GPR160: variants seen among roughly 807,000 people sequenced by gnomAD.
The protein encoded by GPR160 is probable G protein-coupled receptor 160.
A neutral mutation model predicts 2.6 loss-of-function variants in GPR160; 2 were observed. The observed-to-expected ratio is 0.77, with a 90% CI of 0.32 to 2.44. GPR160 has a LOEUF of 2.44. GPR160 is among the 30% of genes most tolerant of loss of function. The pLI, the probability that GPR160 is intolerant of heterozygous loss-of-function variation, is 0.11. For synonymous variants in GPR160, 130 were observed against 132.2 expected (o/e 0.98, Z 0.12); for missense variants, 351 against 383.6 (o/e 0.91, Z 0.71).
At chr3:170,049,278 T>C (rs1716857109) in intron 2 of GPR160, among the ~76,000 whole-genome samples, 1 of 152,238 alleles carries the variant, frequency 6.6e-6, no homozygotes, top group South Asian at 2.1e-4. Context: ...AGTTTATCTT[T>C]CATGGCTGCA....
At chr3:170,064,732 C>A (rs1297347644) in intron 2 of GPR160, among the ~76,000 whole-genome samples, 1 of 151,958 alleles carries the variant, frequency 6.6e-6, no homozygotes, top group Non-Finnish European at 1.5e-5. Flanking sequence ...GTTGGCCAGG[C>A]TGGTCTCAAA....
rs1419635274 is a variant in GPR160, at chr3:170,084,976, T to C, written c.1004T>C (p.Ile335Thr). Residue 335 changes from isoleucine to threonine, a missense_variant, in exon 4 of 4, where the codon ATA becomes ACA. By Grantham distance (89) the Ile-to-Thr change is moderately conservative. Transcript: ENST00000355897. ...NLEQIEKPIS[I>T]MIC ...GAGCAAATTGAAAAGCCTATATCAATAATGATTTGTTAATATTATTAATTA... is the reference window on the plus strand; with the variant it reads ...GAGCAAATTGAAAAGCCTATATCAACAATGATTTGTTAATATTATTAATTA... 2 of 1,485,646 alleles carry C rather than the reference T, an allele frequency of 1.3e-6. No individual in the cohort carries two copies. The highest frequency in any genetic ancestry group is 2.8e-5 in the African/African-American group (2 of 70,728). 92.0% of individuals were successfully genotyped at this position (1,485,646 alleles called of 1,614,324 possible).
At chr3:170,042,515 A>G (rs1716496642) in intron 2 of GPR160, among the ~76,000 whole-genome samples, 2 of 150,980 alleles carry the variant, frequency 1.3e-5, no homozygotes, top group East Asian at 1.9e-4. Context: ...ATTTATCAAG[A>G]GTTCATTGGC....
rs759614750 is a variant in GPR160 at position 170,084,257 on chromosome 3, C to G, written c.285C>G (p.Cys95Trp). ...TTAGGTTCACTAAATACCACATCTG[C>G]CTATTTACTCAAATTATTTCCTTTA... The part of the protein sequence containing the change: ...LSIRFTKYHI[C>W]LFTQIISFTY... The change falls in exon 4 of 4, where the codon TGC becomes TGG. Residue 95 changes from cysteine (C) to tryptophan (W), a missense_variant. Physicochemically the swap from Cys to Trp is radical, Grantham distance 215. Coordinates refer to ENST00000355897, the MANE Select transcript of GPR160 (RefSeq NM_014373.3). 1.2e-6 allele frequency: 2 copies of G among 1,607,132 alleles called. No individual in the cohort carries two copies. Among genetic ancestry groups the G allele is most frequent in the South Asian group, 2.2e-5 (2 of 90,582 alleles).
At chr3:170,073,493 T>C (rs953713772) in intron 2 of GPR160, among the ~76,000 whole-genome samples, 1 of 152,232 alleles carries the variant, frequency 6.6e-6, no homozygotes, top group African/African-American at 2.4e-5. Context: ...TTTATCATAT[T>C]AGATTTTATT....
intron 2 of GPR160, among the ~76,000 whole-genome samples, chr3:170,073,815 A>G (rs1712715574): frequency 1.3e-5 from 2 of 151,940 alleles, no homozygotes; most frequent in South Asian, 4.1e-4. Context: ...CCATCAATGA[A>G]GACATCTGAG....
At chr3:170,067,101 C>A (rs1441121950) in intron 2 of GPR160, among the ~76,000 whole-genome samples, 3 of 152,292 alleles carry the variant, frequency 2.0e-5, no homozygotes, top group East Asian at 3.9e-4. Context: ...ACCTCCTGGG[C>A]TCAAGCAGTC....
At position 170,084,130 on chromosome 3, in the gene GPR160, A is replaced by G. The variant is rs201325990; in HGVS notation, c.158A>G (p.Asn53Ser). 3.1e-6 allele frequency: 5 copies of G among 1,593,392 alleles called. No individual in the cohort carries two copies. Among genetic ancestry groups the G allele is most frequent in the African/African-American group, 1.4e-5 (1 of 73,760 alleles). ...LGMRRKNTCQ[N>S]FMEYFCISLA... Reference sequence around the variant, plus strand: ...ATGAGAAGAAAAAACACCTGTCAAAATTTTATGGAATATTTTTGCATTTCA... The same window carrying G: ...ATGAGAAGAAAAAACACCTGTCAAAGTTTTATGGAATATTTTTGCATTTCA... Residue 53 changes from asparagine to serine, a missense_variant, in exon 4 of 4, where the codon AAT (asparagine) becomes AGT (serine). Physicochemically the swap from Asn to Ser is conservative, Grantham distance 46. Transcript: ENST00000355897.
At chr3:170,051,986 C>T (rs1006871617) in intron 2 of GPR160, among the ~76,000 whole-genome samples, 6 of 152,218 alleles carry the variant, frequency 3.9e-5, no homozygotes, top group Non-Finnish European at 5.9e-5. Flanking sequence ...AGTGCAGTGG[C>T]GCATTCTCGG....
At chr3:170,065,025 T>A (rs1259245669) in intron 2 of GPR160, among the ~76,000 whole-genome samples, 1 of 152,184 alleles carries the variant, frequency 6.6e-6, no homozygotes, top group Admixed American at 6.5e-5. Flanking sequence ...CCGAAGAGGA[T>A]CTGACGGGAG....
intron 2 of GPR160, among the ~76,000 whole-genome samples, chr3:170,063,552 C>CAAAAAAAAAAAAAAAAAAAAAAAA (rs528295183): frequency 1.3e-5 from 1 of 78,938 alleles, no homozygotes. Context: ...ACAAAAAAAG[C>CAAAAAAAAAAAAAAAAAAAAAAAA]AAAAAAAAAA....
chr3:170,078,373 A>G (rs764238719), intron 2 of GPR160, among the ~76,000 whole-genome samples: 1 of 152,090 alleles, frequency 6.6e-6, no homozygotes, highest in Non-Finnish European at 1.5e-5. Context: ...GTTTTCCCTG[A>G]GCCCCCTCCC....
At chr3:170,052,168 C>T (rs890987678) in intron 2 of GPR160, among the ~76,000 whole-genome samples, 2 of 151,992 alleles carry the variant, frequency 1.3e-5, no homozygotes, top group East Asian at 1.9e-4. Flanking sequence ...TCAAGTGATC[C>T]GCCCACCTTG....
At position 170,062,577 on chromosome 3, in the gene GPR160, C is replaced by A; in HGVS notation, c.-192-17197C>A. The A allele has an allele frequency of 6.9e-6, 7 of 1,016,328 alleles. No individual in the cohort carries two copies. In the South Asian group the frequency reaches 8.1e-5, roughly 12 times the overall value. The allele number at this position is 1,016,328 out of a possible 1,614,324, so 63.0% of individuals were successfully genotyped here. A position where few individuals can be genotyped will look rare whatever the true frequency, so the allele number is the denominator to read the frequency against. ...GACGCCAGGAGAGGACCCCTCGCAC[C>A]TTTTCCAAACCAAAAATGTGAAGCA... On this transcript the variant is annotated intron_variant, in intron 2 of 3. Transcript: ENST00000355897.
chr3:170,042,078 C>T (rs77295729), intron 2 of GPR160, among the ~76,000 whole-genome samples: 2,943 of 151,422 alleles, frequency 0.019, 117 homozygotes, highest in African/African-American at 0.067. Flanking sequence ...GCAATCTAGT[C>T]AACAGTATTC....
intron 2 of GPR160, among the ~76,000 whole-genome samples, chr3:170,055,005 G>T (rs1340802384): frequency 6.6e-6 from 1 of 152,158 alleles, no homozygotes; most frequent in Non-Finnish European, 1.5e-5. Context: ...TGTTGGCCAG[G>T]CTGGTCTCGA....
At position 170,069,720 on chromosome 3, in the gene GPR160, G is replaced by A. The variant is rs555977920; in HGVS notation, c.-192-10054G>A. On this transcript the variant is annotated intron_variant, in intron 2 of 3. Coordinates refer to ENST00000355897, the MANE Select transcript of GPR160 (RefSeq NM_014373.3). ...AGCACACACACTGCATTATGTTGGC[G>A]CAAATTCCAGACAACCTATTTCATC... 6.6e-5 allele frequency among the ~76,000 whole-genome samples: 10 copies of A among 152,174 alleles called. No homozygotes were observed. In the East Asian group the frequency reaches 7.7e-4, roughly 12 times the overall value.
At chr3:170,060,995 C>A (rs1236851595) in intron 2 of GPR160, among the ~76,000 whole-genome samples, 1 of 152,012 alleles carries the variant, frequency 6.6e-6, no homozygotes, top group Non-Finnish European at 1.5e-5. Flanking sequence ...GTCAGTATTG[C>A]CGGGCACGGT....
At chr3:170,043,964 G>T (rs989451846) in intron 2 of GPR160, among the ~76,000 whole-genome samples, 1 of 146,184 alleles carries the variant, frequency 6.8e-6, no homozygotes, top group Admixed American at 6.9e-5. Context: ...CCCTGAGATT[G>T]TACTTTTTTT....
Sources: gnomAD v4.1 joint callset for allele counts (sites outside exome capture counted in the v4.1 genomes callset) on GRCh38, gnomAD v4.1.1 for gene constraint, MANE v1.5 for transcripts, NCBI Gene and HGNC (gene_info 2026-07-23, HGNC 2026-07-21) for gene names.